The following CCDC82 variants were observed in gnomAD, a reference collection of about 807,000 sequenced individuals.
The protein encoded by CCDC82 is coiled-coil domain-containing protein 82.
In CCDC82, 47 loss-of-function variants were observed where a neutral mutation model predicts 60.6. The ratio of observed to expected loss-of-function variants is 0.77; its 90% CI spans 0.61 to 0.99. CCDC82 has a LOEUF of 0.99. Among genes scored for constraint, CCDC82 ranks in the 50% least tolerant of loss-of-function variants. CCDC82 has a pLI of 0.00. For synonymous variants in CCDC82, 212 were observed against 207.4 expected (o/e 1.02, Z -0.19); for missense variants, 588 against 633.0 (o/e 0.93, Z 0.76).
At chr11:96,388,149 A>T (rs1866306627) in intron 1 of CCDC82, 1 of 152,234 alleles carries the variant, frequency 6.6e-6, no homozygotes, top group Non-Finnish European at 1.5e-5. Flanking sequence ...TTTAAATTGT[A>T]GGTAGCTTTA....
At chr11:96,354,083 T>C (rs1246982214) in intron 9 of CCDC82, 1 of 166,686 alleles carries the variant, frequency 6.0e-6, no homozygotes, top group Non-Finnish European at 1.3e-5. Context: ...TACAGTGTTT[T>C]TTAAAAGATA....
chr11:96,354,750 G>A (rs1490403094), intron 9 of CCDC82: 1 of 152,198 alleles, frequency 6.6e-6, no homozygotes, highest in Admixed American at 6.5e-5. Flanking sequence ...GCGAGGGAAA[G>A]ATATCATGAT....
At chr11:96,380,333 A>G (rs959616073) in intron 5 of CCDC82, among the ~76,000 whole-genome samples, 1 of 151,832 alleles carries the variant, frequency 6.6e-6, no homozygotes, top group East Asian at 1.9e-4. Context: ...CATTGAAAAT[A>G]AAGAGAACTG....
chr11:96,383,908 T>C, intron 4 of CCDC82, 54 bp downstream of exon 4: 1 of 1,481,262 alleles, frequency 6.8e-7, no homozygotes, highest in Non-Finnish European at 9.1e-7. Flanking sequence ...AAAAATTAAA[T>C]ACTTTAAGAA....
At chr11:96,367,820 C>CTTTTTTTTTTTTTTTTTTTT (rs777554159) in intron 7 of CCDC82, among the ~76,000 whole-genome samples, 1 of 122,736 alleles carries the variant, frequency 8.1e-6, no homozygotes, top group African/African-American at 3.1e-5. Flanking sequence ...AAATGTATTT[C>CTTTTTTTTTTTTTTTTTTTT]TTTTTTTTTT....
chr11:96,372,393 G>T (rs1865320314), intron 6 of CCDC82, among the ~76,000 whole-genome samples: 1 of 150,846 alleles, frequency 6.6e-6, no homozygotes. Flanking sequence ...CTCATTTATT[G>T]TCTGTCTCTC....
At chr11:96,355,686 T>C (rs772530110) in intron 9 of CCDC82, 1 of 152,074 alleles carries the variant, frequency 6.6e-6, no homozygotes, top group Non-Finnish European at 1.5e-5. Flanking sequence ...ATGGTGTGGC[T>C]AGGATGCAGC....
intron 8 of CCDC82, among the ~76,000 whole-genome samples, chr11:96,359,495 G>A (rs1463485688): frequency 6.6e-6 from 1 of 152,050 alleles, no homozygotes; most frequent in Non-Finnish European, 1.5e-5. Context: ...CAAAATGCTA[G>A]TGAAGAGGGG....
At position 96,359,259 on chromosome 11, in the gene CCDC82, C is replaced by A. The variant is rs1317476409; in HGVS notation, c.1381-81G>T. 2.9e-5 allele frequency: 31 copies of A among 1,080,620 alleles called. No individual in the cohort carries two copies. In the East Asian group the frequency reaches 6.4e-4, roughly 22 times the overall value. 66.9% of individuals were successfully genotyped at this position (1,080,620 alleles called of 1,614,324 possible). A position where few individuals can be genotyped will look rare whatever the true frequency, so the allele number is the denominator to read the frequency against. On this transcript the variant is annotated intron_variant, in intron 8 of 9. Transcript: ENST00000646818. ...TTTGGATTTTCTTTAGTAGTAGAAT[C>A]AAAATGCATTATTAACTTCCAGTGT...
chr11:96,366,040 C>T (rs764245998), intron 7 of CCDC82, among the ~76,000 whole-genome samples: 2 of 152,182 alleles, frequency 1.3e-5, no homozygotes, highest in Admixed American at 6.5e-5. Context: ...TACTTCATGG[C>T]ACTTTATGAC....
intron 5 of CCDC82, among the ~76,000 whole-genome samples, chr11:96,377,484 T>C (rs763914519): frequency 3.9e-5 from 6 of 152,216 alleles, no homozygotes; most frequent in Non-Finnish European, 8.8e-5. Context: ...GTAGAAAATA[T>C]TTTTGTCATG....
rs1284167405 is a variant in CCDC82, at chr11:96,384,615, C to G, written c.133G>C (p.Asp45His). ...TCATCACTATCAAATTCTTCACTAT[C>G]AAGCTCTTCATCACTATCAAGTAAT... The part of the protein sequence containing the change: ...SQLLDSDEEL[D>H]SEEFDSDEEL... The change falls in exon 4 of 10, where the codon GAT (aspartate) becomes CAT (histidine). Residue 45 changes from aspartate to histidine, a missense_variant. Physicochemically the swap from Asp to His is moderately conservative, Grantham distance 81 (BLOSUM62 -1). Coordinates refer to ENST00000646818, the MANE Select transcript of CCDC82 (RefSeq NM_024725.4). 3 of 1,613,620 alleles carry G rather than the reference C, an allele frequency of 1.9e-6. No individual in the cohort carries two copies. The highest frequency in any genetic ancestry group is 1.7e-5 in the Admixed American group (1 of 59,982).
chr11:96,353,597 G>A lies in CCDC82; in HGVS notation c.*49C>T. 7.8e-7 allele frequency: 1 copy of A among 1,286,276 alleles called. No homozygotes were observed. Among genetic ancestry groups the A allele is most frequent in the Middle Eastern group, 1.9e-4 (1 of 5,402 alleles). The allele number at this position is 1,286,276 out of a possible 1,614,324, so 79.7% of individuals were successfully genotyped here. ...CATGATACAGAAAAACAAGAATCAT[G>A]ATCTTCACATTTACAGGAATTTAAA... is the stretch of plus-strand genomic sequence containing the variant. On this transcript the variant is annotated 3_prime_UTR_variant, in exon 10 of 10. Transcript: ENST00000646818.
At chr11:96,389,608 C>G (rs1866432411) in intron 1 of CCDC82, 2 of 152,758 alleles carry the variant, frequency 1.3e-5, no homozygotes, top group South Asian at 4.1e-4. Flanking sequence ...CAGTTCCAAG[C>G]ACCTCCCCAA....
At chr11:96,373,618 T>G in intron 5 of CCDC82, 151 bp from the exon 6 acceptor site, 2 of 503,848 alleles carry the variant, frequency 4.0e-6, no homozygotes, top group South Asian at 7.3e-5. Context: ...CGATGACTTG[T>G]TTAGTCACGG....
rs1187987489 is a variant in CCDC82, at chr11:96,389,853, CGCCTCCACCTCT to C, written c.-160_-149del. 3 of 153,662 alleles carry C rather than the reference CGCCTCCACCTCT, an allele frequency of 2.0e-5. No individual in the cohort carries two copies. Among genetic ancestry groups the C allele is most frequent in the African/African-American group, 4.8e-5 (2 of 41,496 alleles). The allele number at this position is 153,662 out of a possible 1,614,324, so 9.5% of individuals were successfully genotyped here. On this transcript the variant is annotated 5_prime_UTR_variant, in exon 1 of 10. Transcript: ENST00000646818. The stretch of plus-strand genomic sequence containing the variant: ...GCCCTCGCGCTCTCACCTTTCAAAG[CGCCTCCACCTCT>C]GCCTCCGCCTCCGCCCCTGCCCCGG...
At chr11:96,373,298 T>C (rs1865381328) in intron 6 of CCDC82, 77 bp downstream of exon 6, 4 of 867,744 alleles carry the variant, frequency 4.6e-6, no homozygotes, top group Non-Finnish European at 7.3e-6. Flanking sequence ...TTAATCTACA[T>C]AGTTTTAAAA....
intron 9 of CCDC82, chr11:96,358,684 T>G: frequency 1.3e-6 from 1 of 783,718 alleles, no homozygotes; most frequent in African/African-American, 1.9e-5. Context: ...AAAAAAAAAA[T>G]CAGGGGACTT....
intron 1 of CCDC82, 64 bp downstream of exon 1, chr11:96,389,780 T>G (rs943169081): frequency 1.3e-5 from 2 of 152,268 alleles, no homozygotes; most frequent in Admixed American, 1.3e-4. Context: ...CATAAACCAT[T>G]AGCACCGGGA....
Sources: allele counts gnomAD v4.1 joint callset (sites outside exome capture counted in the v4.1 genomes callset), GRCh38; gene constraint gnomAD v4.1.1; transcripts MANE v1.5; gene names NCBI Gene and HGNC (gene_info 2026-07-23, HGNC 2026-07-21).